KHDRBS2: variants seen among roughly 807,000 people sequenced by gnomAD.
The protein encoded by KHDRBS2 is KH domain-containing, RNA-binding, signal transduction-associated protein 2.
In KHDRBS2, 26 loss-of-function variants were observed where a neutral mutation model predicts 44.3. The ratio of observed to expected loss-of-function variants is 0.59; its 90% CI spans 0.43 to 0.81. The LOEUF (loss-of-function observed/expected upper bound fraction) is 0.81. Among genes scored for constraint, KHDRBS2 ranks in the 40% least tolerant of loss-of-function variants. The pLI, the probability that KHDRBS2 is intolerant of heterozygous loss-of-function variation, is 0.00. For missense variants in KHDRBS2, 476 were observed against 433.1 expected, an observed-to-expected ratio of 1.10 and a Z score of -0.88; for synonymous variants, 194 against 151.1, an observed-to-expected ratio of 1.28 and a Z score of -2.08.
the KHDRBS2 span, among the ~76,000 whole-genome samples, chr6:61,658,230 C>T: frequency 6.6e-6 from 1 of 151,648 alleles, no homozygotes; most frequent in African/African-American, 2.4e-5. Flanking sequence ...AGCTTTCAAA[C>T]CTGATTTTCA....
chr6:61,736,558 C>A (rs1775390621), intron 6 of KHDRBS2, among the ~76,000 whole-genome samples: 1 of 151,992 alleles, frequency 6.6e-6, no homozygotes, highest in Non-Finnish European at 1.5e-5. Context: ...GACTCAAGGT[C>A]TCTAGCTTCC....
intron 2 of KHDRBS2, among the ~76,000 whole-genome samples, chr6:62,114,138 G>A (rs1449891244): frequency 2.6e-5 from 4 of 151,940 alleles, no homozygotes; most frequent in African/African-American, 4.8e-5. Flanking sequence ...ATTCACTTAC[G>A]TCCTACTAGG....
At chr6:62,002,478 T>C (rs1256440558) in intron 3 of KHDRBS2, among the ~76,000 whole-genome samples, 1 of 151,646 alleles carries the variant, frequency 6.6e-6, no homozygotes, top group Non-Finnish European at 1.5e-5. Flanking sequence ...ACAATTTCTA[T>C]ATTAATAATA....
intron 3 of KHDRBS2, among the ~76,000 whole-genome samples, chr6:62,017,707 C>A (rs1781460055): frequency 1.3e-5 from 2 of 152,018 alleles, no homozygotes; most frequent in African/African-American, 2.4e-5. Context: ...GTTCAGAGAT[C>A]TAGAGCTAAA....
At chr6:62,091,095 T>C (rs1799412810) in intron 2 of KHDRBS2, among the ~76,000 whole-genome samples, 1 of 152,064 alleles carries the variant, frequency 6.6e-6, no homozygotes, top group Non-Finnish European at 1.5e-5. Context: ...AAGAATACTA[T>C]CTGGGTGCCT....
At chr6:61,543,713 C>T in the KHDRBS2 span, among the ~76,000 whole-genome samples, 76 of 152,116 alleles carry the variant, frequency 5.0e-4, no homozygotes, top group African/African-American at 1.8e-3. Flanking sequence ...TGTCCATCAG[C>T]AGATGAATGG....
intron 3 of KHDRBS2, among the ~76,000 whole-genome samples, chr6:62,044,612 C>T (rs533858984): frequency 1.6e-4 from 25 of 152,168 alleles, no homozygotes; most frequent in Non-Finnish European, 2.2e-4. Flanking sequence ...GTGAGGCAAA[C>T]ATGTTTATTA....
intron 4 of KHDRBS2, among the ~76,000 whole-genome samples, chr6:61,941,122 G>A (rs1562482385): frequency 1.3e-5 from 2 of 152,194 alleles, no homozygotes; most frequent in Non-Finnish European, 2.9e-5. Context: ...CCCTGTGCCA[G>A]GGCATGCAGC....
chr6:61,774,880 C>T (rs1280002911), intron 6 of KHDRBS2, among the ~76,000 whole-genome samples: 6 of 152,078 alleles, frequency 3.9e-5, no homozygotes, highest in Non-Finnish European at 7.3e-5. Flanking sequence ...AACATCAATG[C>T]AAAAATCCTC....
At chr6:61,804,045 C>T (rs1786729918) in intron 6 of KHDRBS2, among the ~76,000 whole-genome samples, 2 of 152,048 alleles carry the variant, frequency 1.3e-5, no homozygotes, top group South Asian at 4.1e-4. Context: ...CAATAGCCCC[C>T]CAAAGTCATA....
chr6:62,060,631 CTCTA>C (rs1310131624), intron 2 of KHDRBS2, among the ~76,000 whole-genome samples: 119 of 147,338 alleles, frequency 8.1e-4, no homozygotes, highest in African/African-American at 1.2e-3. Flanking sequence ...CTCTCTCTCT[CTCTA>C]TATATATATA....
rs1200566977 is a variant in KHDRBS2 at position 61,901,234 on chromosome 6, A to G, written c.611+10T>C. 6.2e-7 allele frequency: 1 copy of G among 1,605,122 alleles called. No homozygotes were observed. Among genetic ancestry groups the G allele is most frequent in the Non-Finnish European group, 8.5e-7 (1 of 1,177,670 alleles). ...CATCCTTAATTTATTTAAAGTAAGA[A>G]TGAATGTACCTTGAAGGAGCTGTGG... On this transcript the variant is annotated intron_variant, in intron 5 of 8. Coordinates refer to ENST00000281156, the MANE Select transcript of KHDRBS2 (RefSeq NM_152688.4).
At chr6:61,873,975 TTATGAA>T (rs1361636879) in intron 6 of KHDRBS2, among the ~76,000 whole-genome samples, 2 of 151,440 alleles carry the variant, frequency 1.3e-5, no homozygotes, top group African/African-American at 4.8e-5. Flanking sequence ...TCTGTGTACT[TTATGAA>T]TATTTTATGA....
chr6:62,213,156 A>T (rs1829371065), intron 1 of KHDRBS2, among the ~76,000 whole-genome samples: 1 of 152,198 alleles, frequency 6.6e-6, no homozygotes, highest in East Asian at 1.9e-4. Context: ...CATAATAGCT[A>T]TCAATATAAT....
chr6:61,600,265 G>GA, the KHDRBS2 span, among the ~76,000 whole-genome samples: 1 of 152,060 alleles, frequency 6.6e-6, no homozygotes, highest in Non-Finnish European at 1.5e-5. Flanking sequence ...TGAAGTAACT[G>GA]AAAAATCACA....
the KHDRBS2 span, among the ~76,000 whole-genome samples, chr6:61,673,110 C>T: frequency 0.029 from 4,440 of 151,266 alleles, 219 homozygotes; most frequent in African/African-American, 0.1. Flanking sequence ...GGGAATCCTT[C>T]CCCCATTGCT....
intron 7 of KHDRBS2, 111 bp downstream of exon 7, chr6:61,732,571 G>GA: frequency 2.8e-6 from 2 of 705,442 alleles, no homozygotes; most frequent in Non-Finnish European, 5.1e-6. Context: ...AGATAATGGA[G>GA]AAAAAACACT....
the KHDRBS2 span, among the ~76,000 whole-genome samples, chr6:61,552,920 T>G: frequency 6.6e-6 from 1 of 152,222 alleles, no homozygotes; most frequent in African/African-American, 2.4e-5. Flanking sequence ...CTGAAGATTT[T>G]TGCATCTATG....
At chr6:62,065,270 A>G (rs1793304317) in intron 2 of KHDRBS2, among the ~76,000 whole-genome samples, 1 of 152,322 alleles carries the variant, frequency 6.6e-6, no homozygotes, top group South Asian at 2.1e-4. Flanking sequence ...TGACCCAGCC[A>G]TTCCATTACT....
Sources: allele counts gnomAD v4.1 joint callset (sites outside exome capture counted in the v4.1 genomes callset), GRCh38; gene constraint gnomAD v4.1.1; transcripts MANE v1.5; gene names NCBI Gene and HGNC (gene_info 2026-07-23, HGNC 2026-07-21).